Variants in PTPN12 observed in about 807,000 individuals in gnomAD.
PTPN12 encodes the protein tyrosine-protein phosphatase non-receptor type 12.
PTPN12 carries 29 observed loss-of-function variants against 97.6 expected under a neutral mutation model. That is an observed-to-expected ratio of 0.30 (90% CI 0.22 to 0.41). The LOEUF (loss-of-function observed/expected upper bound fraction) is 0.41. PTPN12 is among the 10% of genes least tolerant of loss of function. The pLI, the probability that PTPN12 is intolerant of heterozygous loss-of-function variation, is 1.00. For missense variants in PTPN12, 819 were observed against 926.0 expected (o/e 0.88, Z 1.50); for synonymous variants, 327 against 300.4 (o/e 1.09, Z -0.91).
At chr7:77,545,086 C>T (rs1025281739) in intron 1 of PTPN12, among the ~76,000 whole-genome samples, 3 of 152,104 alleles carry the variant, frequency 2.0e-5, no homozygotes, top group African/African-American at 4.8e-5. Context: ...CATCCCACAC[C>T]CAATGGATCA....
At chr7:77,580,936 T>G (rs557062835) in intron 2 of PTPN12, among the ~76,000 whole-genome samples, 1 of 152,354 alleles carries the variant, frequency 6.6e-6, no homozygotes, top group South Asian at 2.1e-4. Flanking sequence ...TCTGCTCTAG[T>G]AAATCAGAGA....
intron 13 of PTPN12, among the ~76,000 whole-genome samples, chr7:77,629,538 T>C (rs1451899443): frequency 6.6e-6 from 1 of 152,038 alleles, no homozygotes; most frequent in African/African-American, 2.4e-5. Flanking sequence ...TTTTTTGTTG[T>C]TGTTTTGTTC....
At chr7:77,544,705 C>A (rs1325030442) in intron 1 of PTPN12, among the ~76,000 whole-genome samples, 1 of 152,180 alleles carries the variant, frequency 6.6e-6, no homozygotes, top group African/African-American at 2.4e-5. Flanking sequence ...ACATTTCTGT[C>A]TTCCCCAGAC....
chr7:77,562,112 G>A (rs553669197), intron 1 of PTPN12, among the ~76,000 whole-genome samples: 71 of 152,174 alleles, frequency 4.7e-4, no homozygotes, highest in African/African-American at 1.3e-3. Context: ...GGAGTGCAGT[G>A]GTGCAGTCTC....
chr7:77,537,690 G>C, intron 1 of PTPN12, 45 bp downstream of exon 1: 1 of 1,531,846 alleles, frequency 6.5e-7, no homozygotes. Context: ...CGGCGCCGGA[G>C]CCCATCGCCG....
intron 8 of PTPN12, among the ~76,000 whole-genome samples, chr7:77,604,053 A>G (rs1788273831): frequency 1.4e-5 from 2 of 145,408 alleles, no homozygotes; most frequent in South Asian, 4.4e-4. Context: ...ACACCCAGCT[A>G]ATTTTGGGTA....
chr7:77,555,783 TG>T (rs905453721), intron 1 of PTPN12, among the ~76,000 whole-genome samples: 10 of 151,712 alleles, frequency 6.6e-5, no homozygotes, highest in Admixed American at 3.9e-4. Flanking sequence ...GGCGTGGTGG[TG>T]GGCGCCTGTA....
At chr7:77,538,717 C>G (rs1011944016) in intron 1 of PTPN12, 20 of 152,370 alleles carry the variant, frequency 1.3e-4, no homozygotes, top group African/African-American at 4.1e-4. Flanking sequence ...TACCCACCCC[C>G]CCAACCCCCG....
At chr7:77,625,471 C>T (rs537773206) in intron 12 of PTPN12, among the ~76,000 whole-genome samples, 1 of 56,220 alleles carries the variant, frequency 1.8e-5, no homozygotes, top group Non-Finnish European at 3.1e-5. Flanking sequence ...CCAGGCTGCT[C>T]GCTCTCTCTC....
At chr7:77,584,236 A>C (rs188633224) in intron 4 of PTPN12, among the ~76,000 whole-genome samples, 7 of 152,342 alleles carry the variant, frequency 4.6e-5, no homozygotes, top group Admixed American at 4.6e-4. Context: ...GGATGTGGAA[A>C]ATCAGTAATG....
intron 1 of PTPN12, among the ~76,000 whole-genome samples, chr7:77,568,272 A>G (rs962310646): frequency 6.6e-6 from 1 of 152,240 alleles, no homozygotes; most frequent in Non-Finnish European, 1.5e-5. Flanking sequence ...TGAGAAATGT[A>G]GTCATTTCAC....
chr7:77,576,188 GTAGCATGCATCGAT>G lies in PTPN12; in HGVS notation c.208+5003_208+5016del, dbSNP rs1787336778. 3.9e-5 allele frequency among the ~76,000 whole-genome samples: 6 copies of G among 152,224 alleles called. No individual in the cohort carries two copies. The South Asian group carries it at 1.2e-3, about 32-fold the overall frequency. On this transcript the variant is annotated intron_variant, in intron 2 of 17. Coordinates refer to ENST00000248594, the MANE Select transcript of PTPN12 (RefSeq NM_002835.4). Reference sequence around the variant, plus strand: ...CACATTTTAAAGATTCATTCACGATGTAGCATGCATCGATAGTTCATTCCTTTTTGTTGTTGAAT... The same window carrying G: ...CACATTTTAAAGATTCATTCACGATGAGTTCATTCCTTTTTGTTGTTGAAT...
intron 1 of PTPN12, among the ~76,000 whole-genome samples, chr7:77,569,878 A>G (rs577365807): frequency 6.6e-6 from 1 of 152,054 alleles, no homozygotes; most frequent in Non-Finnish European, 1.5e-5. Flanking sequence ...ATTCAGAGAC[A>G]GGGTCTTGCA....
chr7:77,615,890 A>T (rs999053166), intron 11 of PTPN12, among the ~76,000 whole-genome samples: 1 of 152,344 alleles, frequency 6.6e-6, no homozygotes, highest in East Asian at 1.9e-4. Context: ...AAGTCCAGTG[A>T]CCAGGAGGTT....
At chr7:77,633,175 C>G (rs1292023916) in intron 14 of PTPN12, among the ~76,000 whole-genome samples, 1 of 151,936 alleles carries the variant, frequency 6.6e-6, no homozygotes, top group African/African-American at 2.4e-5. Context: ...GAGACTGAGG[C>G]AGGAGAATTG....
At chr7:77,634,521 G>A (rs769977303) in intron 14 of PTPN12, among the ~76,000 whole-genome samples, 6 of 150,410 alleles carry the variant, frequency 4.0e-5, no homozygotes, top group Admixed American at 6.6e-5. Context: ...CTCACTGCAA[G>A]CTCCACCTCT....
At chr7:77,623,745 T>TG in intron 12 of PTPN12, among the ~76,000 whole-genome samples, 1 of 152,268 alleles carries the variant, frequency 6.6e-6, no homozygotes, top group Middle Eastern at 3.4e-3. Flanking sequence ...ATACTGATTA[T>TG]GGAAAAGTGG....
intron 1 of PTPN12, among the ~76,000 whole-genome samples, chr7:77,570,256 G>C (rs1334270584): frequency 6.6e-6 from 1 of 152,078 alleles, no homozygotes; most frequent in Non-Finnish European, 1.5e-5. Flanking sequence ...ATCACAAGTA[G>C]CAAAAATTAA....
intron 1 of PTPN12, among the ~76,000 whole-genome samples, chr7:77,545,596 A>G (rs1391531416): frequency 6.6e-6 from 1 of 151,236 alleles, no homozygotes; most frequent in Non-Finnish European, 1.5e-5. Flanking sequence ...AGCTCCCTCC[A>G]ATTTTAAATA....
Sources: allele counts gnomAD v4.1 joint callset (sites outside exome capture counted in the v4.1 genomes callset), GRCh38; gene constraint gnomAD v4.1.1; transcripts MANE v1.5; gene names NCBI Gene and HGNC (gene_info 2026-07-23, HGNC 2026-07-21).